BAZ2B: variants seen among roughly 807,000 people sequenced by gnomAD.
The protein encoded by BAZ2B is bromodomain adjacent to zinc finger domain protein 2B.
In BAZ2B, 91 loss-of-function variants were observed where a neutral mutation model predicts 246.0. The observed-to-expected ratio is 0.37, with a 90% CI of 0.31 to 0.44. The LOEUF is 0.44. Ranked by LOEUF, BAZ2B falls within the 20% of genes least tolerant of loss-of-function variation. The pLI is 1.00. For synonymous variants in BAZ2B, 855 were observed against 860.0 expected, an observed-to-expected ratio of 0.99 and a Z score of 0.10; for missense variants, 2,332 against 2,533.7, an observed-to-expected ratio of 0.92 and a Z score of 1.71.
chr2:159,600,663 C>A (rs1466108338), intron 1 of BAZ2B, among the ~76,000 whole-genome samples: 3 of 152,146 alleles, frequency 2.0e-5, no homozygotes, highest in African/African-American at 7.2e-5. Flanking sequence ...ATTCTATATG[C>A]ATATGCCCTA....
the BAZ2B span, among the ~76,000 whole-genome samples, chr2:159,656,469 T>C: frequency 6.6e-6 from 1 of 152,168 alleles, no homozygotes; most frequent in East Asian, 1.9e-4. Flanking sequence ...AAAAATTTTG[T>C]GTTACACCCA....
intron 27 of BAZ2B, among the ~76,000 whole-genome samples, chr2:159,367,574 T>C (rs1559131107): frequency 6.6e-6 from 1 of 152,162 alleles, no homozygotes; most frequent in Non-Finnish European, 1.5e-5. Flanking sequence ...ATTATACTTT[T>C]AAGGAACTTT....
intron 1 of BAZ2B, among the ~76,000 whole-genome samples, chr2:159,581,333 A>T (rs915533698): frequency 2.1e-4 from 32 of 152,234 alleles, no homozygotes; most frequent in African/African-American, 7.7e-4. Flanking sequence ...GCTCATCATC[A>T]CTGGCCATCA....
chr2:159,711,168 G>A, the BAZ2B span, among the ~76,000 whole-genome samples: 1 of 152,168 alleles, frequency 6.6e-6, no homozygotes, highest in Non-Finnish European at 1.5e-5. Context: ...GTATACATCC[G>A]TGTATCTATA....
At chr2:159,428,171 T>A in intron 12 of BAZ2B, 129 bp from the exon 13 acceptor site, 1 of 1,109,896 alleles carries the variant, frequency 9.0e-7, no homozygotes, top group Non-Finnish European at 1.3e-6. Context: ...AGGAGATCAA[T>A]TTAGGTTAAG....
chr2:159,657,223 A>G, the BAZ2B span, among the ~76,000 whole-genome samples: 1 of 152,138 alleles, frequency 6.6e-6, no homozygotes, highest in Non-Finnish European at 1.5e-5. Flanking sequence ...CAGTTCCAGA[A>G]CCATTTATTG....
At chr2:159,324,173 A>G (rs1171864201) in intron 36 of BAZ2B, among the ~76,000 whole-genome samples, 3 of 81,314 alleles carry the variant, frequency 3.7e-5, no homozygotes, top group Non-Finnish European at 5.0e-5. Context: ...TGTAATTAAA[A>G]TATATATTGT....
At chr2:159,669,089 T>G in the BAZ2B span, among the ~76,000 whole-genome samples, 692 of 151,914 alleles carry the variant, frequency 4.6e-3, 4 homozygotes, top group Non-Finnish European at 7.5e-3. Flanking sequence ...AGAAAGAAAT[T>G]GAAGTTATGT....
chr2:159,688,429 T>G, the BAZ2B span, among the ~76,000 whole-genome samples: 2,027 of 152,332 alleles, frequency 0.013, 47 homozygotes, highest in African/African-American at 0.046. Flanking sequence ...AGTCTCTTTC[T>G]ACTCCCTTTA....
At chr2:159,407,003 C>T (rs1355644427) in intron 14 of BAZ2B, among the ~76,000 whole-genome samples, 1 of 151,904 alleles carries the variant, frequency 6.6e-6, no homozygotes, top group East Asian at 2.0e-4. Context: ...ATTCACCTGC[C>T]TCGGCCTCCC....
chr2:159,333,706 C>G (rs775663530), intron 33 of BAZ2B, among the ~76,000 whole-genome samples: 4 of 152,024 alleles, frequency 2.6e-5, no homozygotes, highest in Non-Finnish European at 5.9e-5. Context: ...TTAACTGTTC[C>G]AACTTACTTT....
intron 1 of BAZ2B, among the ~76,000 whole-genome samples, chr2:159,587,212 G>A (rs538158376): frequency 3.9e-5 from 6 of 151,956 alleles, no homozygotes; most frequent in Non-Finnish European, 7.4e-5. Flanking sequence ...CTGAGTAGCT[G>A]GGACTACAGG....
At chr2:159,639,447 T>G in the BAZ2B span, among the ~76,000 whole-genome samples, 1 of 152,216 alleles carries the variant, frequency 6.6e-6, no homozygotes, top group Admixed American at 6.5e-5. Flanking sequence ...GAATAAATGA[T>G]AAAACAATCA....
intron 4 of BAZ2B, among the ~76,000 whole-genome samples, chr2:159,451,592 T>C (rs2075102373): frequency 6.6e-6 from 1 of 152,218 alleles, no homozygotes; most frequent in Non-Finnish European, 1.5e-5. Flanking sequence ...GACTCTGTCT[T>C]GTAATTGTCT....
In BAZ2B at chr2:159,433,078, T is replaced by C. The variant is rs1343006828; in HGVS notation, c.1579A>G (p.Ser527Gly). 2 of 1,614,230 alleles carry C rather than the reference T, an allele frequency of 1.2e-6. No homozygotes were observed. The highest frequency in any genetic ancestry group is 1.1e-5 in the South Asian group (1 of 91,090). Residue 527 changes from serine (S) to glycine (G), a missense_variant, in exon 9 of 37, where the codon AGT (serine) becomes GGT (glycine). Around this residue, in one of 9 missense-constraint regions of BAZ2B, gnomAD observed 651 missense variants for 650.9 expected, o/e 1.00. Coordinates refer to ENST00000392783, the MANE Select transcript of BAZ2B (RefSeq NM_013450.4). ...ACAGGTGAGGAAAAAGGGGTGCTACTTGCAGCAGCAATGTTTTCATTAATC... is the reference window on the plus strand; with the variant it reads ...ACAGGTGAGGAAAAAGGGGTGCTACCTGCAGCAGCAATGTTTTCATTAATC... ...SKINENIAAA[S>G]STPFSSPVNL...
the BAZ2B span, among the ~76,000 whole-genome samples, chr2:159,653,724 T>C: frequency 2.0e-5 from 3 of 152,216 alleles, no homozygotes; most frequent in East Asian, 1.9e-4. Flanking sequence ...AATCTAGATA[T>C]GCTGACTTCT....
the BAZ2B span, among the ~76,000 whole-genome samples, chr2:159,650,241 T>TA: frequency 2.6e-5 from 4 of 152,242 alleles, no homozygotes; most frequent in African/African-American, 9.6e-5. Context: ...TAGTTTTTTT[T>TA]ACTGGGTGTC....
chr2:159,530,238 CT>C (rs1412953123), intron 2 of BAZ2B, among the ~76,000 whole-genome samples: 1 of 152,158 alleles, frequency 6.6e-6, no homozygotes, highest in Admixed American at 6.5e-5. Flanking sequence ...CTTTCTATAA[CT>C]TTTGCAATTG....
chr2:159,399,058 T>C (rs906988039), intron 17 of BAZ2B, 164 bp from the exon 18 acceptor site: 1 of 536,726 alleles, frequency 1.9e-6, no homozygotes. Context: ...ATGTTTAACG[T>C]AATAATTTTG....
Sources: allele counts gnomAD v4.1 joint callset (sites outside exome capture counted in the v4.1 genomes callset), GRCh38; gene constraint gnomAD v4.1.1; regional missense constraint gnomAD v4.1.1; transcripts MANE v1.5; gene names NCBI Gene and HGNC (gene_info 2026-07-23, HGNC 2026-07-21).